The following SLC10A7 variants were observed in gnomAD, a reference collection of about 807,000 sequenced individuals.
SLC10A7 encodes sodium/bile acid cotransporter 7.
In SLC10A7, 29 loss-of-function variants were observed where a neutral mutation model predicts 43.2. The observed-to-expected ratio is 0.67, with a 90% CI of 0.50 to 0.92. The LOEUF is 0.92. SLC10A7 is among the 40% of genes least tolerant of loss of function. The pLI is 0.00. For synonymous variants in SLC10A7, 152 were observed against 144.8 expected (o/e 1.05, Z -0.35); for missense variants, 295 against 403.2 (o/e 0.73, Z 2.30).
At chr4:146,459,033 T>C (rs978588475) in intron 4 of SLC10A7, among the ~76,000 whole-genome samples, 3 of 151,830 alleles carry the variant, frequency 2.0e-5, no homozygotes, top group East Asian at 3.9e-4. Context: ...AAGGTCTATA[T>C]TGAAAAATCA....
intron 5 of SLC10A7, among the ~76,000 whole-genome samples, chr4:146,426,266 C>T (rs1157789854): frequency 2.0e-5 from 3 of 152,170 alleles, no homozygotes; most frequent in Admixed American, 6.5e-5. Flanking sequence ...CGAGCGACAT[C>T]ATGCTACCAT....
At chr4:146,404,510 G>T (rs916727415) in intron 5 of SLC10A7, among the ~76,000 whole-genome samples, 1 of 151,598 alleles carries the variant, frequency 6.6e-6, no homozygotes. Flanking sequence ...GTGTGTGTGT[G>T]TGTGTGACTG....
chr4:146,390,733 C>T (rs1738366603), intron 5 of SLC10A7, among the ~76,000 whole-genome samples: 1 of 152,070 alleles, frequency 6.6e-6, no homozygotes, highest in African/African-American at 2.4e-5. Flanking sequence ...AAAACACGAG[C>T]AATTTTCCCC....
chr4:146,352,882 A>C (rs76326088), intron 5 of SLC10A7, among the ~76,000 whole-genome samples: 34,387 of 141,058 alleles, frequency 0.24, 4,838 homozygotes, highest in African/African-American at 0.41. Context: ...GACGCATTCA[A>C]AGCAGTGTAT....
At chr4:146,512,230 T>C (rs1187957820) in intron 2 of SLC10A7, among the ~76,000 whole-genome samples, 1 of 152,096 alleles carries the variant, frequency 6.6e-6, no homozygotes, top group African/African-American at 2.4e-5. Context: ...CGCCTTGGCC[T>C]CCCCAAGTGC....
At chr4:146,405,824 T>G (rs892756053) in intron 5 of SLC10A7, among the ~76,000 whole-genome samples, 3 of 152,172 alleles carry the variant, frequency 2.0e-5, no homozygotes, top group African/African-American at 4.8e-5. Flanking sequence ...AAGAGTTTTT[T>G]TTTTTTGGCT....
At chr4:146,283,619 A>C (rs1224261340) in intron 9 of SLC10A7, among the ~76,000 whole-genome samples, 1 of 152,192 alleles carries the variant, frequency 6.6e-6, no homozygotes, top group East Asian at 1.9e-4. Context: ...GGATAAATAT[A>C]TCTCTAAAAA....
chr4:146,515,161 G>GA, intron 2 of SLC10A7: 1 of 702,326 alleles, frequency 1.4e-6, no homozygotes, highest in South Asian at 1.5e-5. Flanking sequence ...GCTAAGGAGT[G>GA]AGAGAAATCA....
At chr4:146,445,600 C>T (rs931133756) in intron 4 of SLC10A7, among the ~76,000 whole-genome samples, 6 of 152,112 alleles carry the variant, frequency 3.9e-5, no homozygotes, top group African/African-American at 1.4e-4. Flanking sequence ...AGCGGAGGGT[C>T]AGGGTGACAG....
chr4:146,275,786 T>A (rs1232983473), intron 10 of SLC10A7, among the ~76,000 whole-genome samples: 1 of 152,144 alleles, frequency 6.6e-6, no homozygotes, highest in African/African-American at 2.4e-5. Context: ...AGAAGTTTTT[T>A]TTTTTTTTTA....
intron 5 of SLC10A7, among the ~76,000 whole-genome samples, chr4:146,438,370 G>A (rs1162161080): frequency 6.6e-6 from 1 of 152,008 alleles, no homozygotes; most frequent in African/African-American, 2.4e-5. Context: ...CTCATTTCTT[G>A]ACACTTTAAA....
chr4:146,420,444 T>C (rs776281710), intron 5 of SLC10A7, among the ~76,000 whole-genome samples: 7 of 152,294 alleles, frequency 4.6e-5, no homozygotes, highest in African/African-American at 9.6e-5. Flanking sequence ...ACCACCATTA[T>C]AGTGATGCTT....
At chr4:146,291,996 A>C (rs1261664667) in intron 9 of SLC10A7, among the ~76,000 whole-genome samples, 1 of 152,242 alleles carries the variant, frequency 6.6e-6, no homozygotes, top group Non-Finnish European at 1.5e-5. Flanking sequence ...TAAGAACAGG[A>C]AGGAGGAACC....
At chr4:146,392,634 T>C (rs1004990969) in intron 5 of SLC10A7, among the ~76,000 whole-genome samples, 4 of 152,152 alleles carry the variant, frequency 2.6e-5, no homozygotes, top group East Asian at 1.9e-4. Flanking sequence ...AAGATGACAA[T>C]AGCAAAAATA....
At chr4:146,326,562 G>A (rs776150045) in intron 5 of SLC10A7, among the ~76,000 whole-genome samples, 18 of 152,190 alleles carry the variant, frequency 1.2e-4, no homozygotes, top group Non-Finnish European at 2.2e-4. Flanking sequence ...CAGCCACATA[G>A]GACCACCTCG....
intron 7 of SLC10A7, among the ~76,000 whole-genome samples, chr4:146,295,864 C>T (rs1237488479): frequency 6.6e-6 from 1 of 152,098 alleles, no homozygotes; most frequent in Non-Finnish European, 1.5e-5. Flanking sequence ...AAAAACACCA[C>T]AAAATTTCTC....
intron 7 of SLC10A7, 91 bp from the exon 8 acceptor site, chr4:146,294,186 T>C: frequency 9.6e-7 from 1 of 1,038,108 alleles, no homozygotes; most frequent in Non-Finnish European, 1.3e-6. Context: ...GAGAAAGACA[T>C]AAAGGAAAGA....
At chr4:146,441,563 T>C in intron 5 of SLC10A7, 6 of 629,652 alleles carry the variant, frequency 9.5e-6, no homozygotes, top group Non-Finnish European at 1.2e-5. Flanking sequence ...TTACAGATAT[T>C]ATTCTATTAA....
In SLC10A7 at chr4:146,501,906, G is replaced by A. The variant is rs574724043; in HGVS notation, c.396+1943C>T. Among the ~76,000 whole-genome samples the A allele has an allele frequency of 2.6e-5, 4 of 152,172 alleles. No individual in the cohort carries two copies. The South Asian group carries it at 6.2e-4, about 24-fold the overall frequency. ...CAAAATACACCCTGAATCCAATCAC[G>A]TTTACTGTCTCCACTACCATCCTGC... is the stretch of plus-strand genomic sequence containing the variant. On this transcript the variant is annotated intron_variant, in intron 4 of 11. Transcript: ENST00000335472.
Sources: gnomAD v4.1 joint callset for allele counts (sites outside exome capture counted in the v4.1 genomes callset) on GRCh38, gnomAD v4.1.1 for gene constraint, MANE v1.5 for transcripts, NCBI Gene and HGNC (gene_info 2026-07-23, HGNC 2026-07-21) for gene names.